TAOK3: variants seen among roughly 807,000 people sequenced by gnomAD.
The protein encoded by TAOK3 is serine/threonine-protein kinase TAO3.
A neutral mutation model predicts 120.4 loss-of-function variants in TAOK3; 40 were observed. The ratio of observed to expected loss-of-function variants is 0.33; its 90% confidence interval spans 0.26 to 0.43. The LOEUF (loss-of-function observed/expected upper bound fraction) is 0.43. TAOK3 is among the 20% of genes least tolerant of loss of function. The probability of loss-of-function intolerance (pLI) is 1.00; values close to 1 mark genes in which losing one functional copy is unlikely to be tolerated. For synonymous variants in TAOK3, 355 were observed against 387.5 expected, an observed-to-expected ratio of 0.92 and a Z score of 0.99; for missense variants, 821 against 1,112.1, an observed-to-expected ratio of 0.74 and a Z score of 3.72.
chr12:118,158,775 T>C (rs1451532971), intron 19 of TAOK3, among the ~76,000 whole-genome samples: 2 of 152,200 alleles, frequency 1.3e-5, no homozygotes, highest in African/African-American at 4.8e-5. Flanking sequence ...CAGCTCTCCA[T>C]TGCTTACAAA....
chr12:118,297,933 C>A (rs1428659086), intron 1 of TAOK3, among the ~76,000 whole-genome samples: 2 of 152,118 alleles, frequency 1.3e-5, no homozygotes, highest in African/African-American at 2.4e-5. Flanking sequence ...GCACGCACCA[C>A]CACAACCAGC....
intron 11 of TAOK3, among the ~76,000 whole-genome samples, chr12:118,207,329 G>GAAAA (rs200606908): frequency 9.5e-6 from 1 of 104,932 alleles, no homozygotes; most frequent in African/African-American, 3.6e-5. Flanking sequence ...TCCGTCTCAG[G>GAAAA]AAAAAAAAAA....
At chr12:118,320,578 A>G (rs1321901294) in intron 1 of TAOK3, among the ~76,000 whole-genome samples, 2 of 152,214 alleles carry the variant, frequency 1.3e-5, no homozygotes, top group Non-Finnish European at 2.9e-5. Flanking sequence ...AGTAATAGTT[A>G]TGATTGATTG....
chr12:118,226,005 C>T (rs539121735), intron 9 of TAOK3, among the ~76,000 whole-genome samples: 2 of 152,290 alleles, frequency 1.3e-5, no homozygotes, highest in African/African-American at 4.8e-5. Flanking sequence ...TTTGGGAGGC[C>T]GAGGTGGGTG....
intron 1 of TAOK3, among the ~76,000 whole-genome samples, chr12:118,370,856 C>T (rs1230906655): frequency 2.0e-5 from 3 of 152,184 alleles, no homozygotes; most frequent in African/African-American, 7.2e-5. Flanking sequence ...CCCACCAGGA[C>T]ACACAGTGTC....
intron 1 of TAOK3, among the ~76,000 whole-genome samples, chr12:118,364,131 C>T (rs958140953): frequency 6.6e-6 from 1 of 151,756 alleles, no homozygotes; most frequent in African/African-American, 2.4e-5. Context: ...AGCAAAACTC[C>T]ATCTCAAAAA....
chr12:118,169,327 T>A, intron 17 of TAOK3, among the ~76,000 whole-genome samples: 1 of 44,348 alleles, frequency 2.3e-5, no homozygotes. Context: ...CCCCCCCCCC[T>A]TTTTTTTTAA....
intron 1 of TAOK3, 30 bp from the exon 2 acceptor site, chr12:118,266,789 T>C (rs1411409448): frequency 2.5e-6 from 1 of 394,004 alleles, no homozygotes; most frequent in African/African-American, 2.1e-5. Flanking sequence ...AAATACATAA[T>C]TATCAGCCAA....
chr12:118,161,700 A>T lies in TAOK3; in HGVS notation c.2139+88T>A, dbSNP rs184373772. The T allele has an allele frequency of 0.035, 53,205 of 1,537,178 alleles. 2,714 individuals are homozygous for T. Among genetic ancestry groups the T allele is most frequent in the East Asian group, 0.19 (8,563 of 44,130 alleles). On this transcript the variant is annotated intron_variant, in intron 18 of 20. Transcript: ENST00000392533. The surrounding 1 kb of genome is among the most constrained non-coding windows in gnomAD (Gnocchi z 4.5). ...TAGGTGTGGGGTGCAGAAATTTGTG[A>T]TTCTGAAAAGTTGCTCAGGTGACTC...
chr12:118,255,947 G>A (rs2040965215), intron 2 of TAOK3: 1 of 155,064 alleles, frequency 6.4e-6, no homozygotes, highest in Admixed American at 6.5e-5. Flanking sequence ...AGCCAGGCGT[G>A]GTGGCACATG....
At chr12:118,354,516 C>T (rs1566166083) in intron 1 of TAOK3, among the ~76,000 whole-genome samples, 1 of 152,122 alleles carries the variant, frequency 6.6e-6, no homozygotes, top group Non-Finnish European at 1.5e-5. Flanking sequence ...GTAATCCCAG[C>T]ACTTTGGGAG....
At chr12:118,246,887 A>C in intron 3 of TAOK3, 1 of 1,309,596 alleles carries the variant, frequency 7.6e-7, no homozygotes, top group Non-Finnish European at 1.1e-6. Context: ...CCTATCAGGA[A>C]TTCACTGACC....
chr12:118,362,974 G>T (rs1471609697), intron 1 of TAOK3, among the ~76,000 whole-genome samples: 1 of 122,252 alleles, frequency 8.2e-6, no homozygotes, highest in Non-Finnish European at 1.6e-5. Context: ...AGCCAGGATT[G>T]CACCACTGCA....
At chr12:118,217,070 C>A (rs2038944510) in intron 9 of TAOK3, among the ~76,000 whole-genome samples, 2 of 152,088 alleles carry the variant, frequency 1.3e-5, no homozygotes, top group Admixed American at 6.6e-5. Flanking sequence ...TTCATCAGAG[C>A]ACCTTAGTTT....
In TAOK3 at chr12:118,244,978, G is replaced by A. The variant is rs1203045162; in HGVS notation, c.121-13C>T. On this transcript the variant is annotated splice_polypyrimidine_tract_variant and intron_variant, in intron 3 of 20. Transcript: ENST00000392533. ...GAGCATTTGTAGCCTGTGTTAAGAG[G>A]GTAGAAGAAAAAGAAAAAGAATTAG... The A allele has an allele frequency of 1.9e-6, 3 of 1,576,696 alleles. No individual in the cohort carries two copies. Among genetic ancestry groups the A allele is most frequent in the East Asian group, 2.3e-5 (1 of 44,284 alleles).
intron 14 of TAOK3, among the ~76,000 whole-genome samples, chr12:118,186,292 G>A (rs1247049538): frequency 6.6e-6 from 1 of 152,154 alleles, no homozygotes; most frequent in Non-Finnish European, 1.5e-5. Flanking sequence ...AGGTGAATTT[G>A]TGTTAGAACA....
intron 16 of TAOK3, among the ~76,000 whole-genome samples, chr12:118,175,518 T>C (rs2036268881): frequency 6.6e-6 from 1 of 152,034 alleles, no homozygotes; most frequent in African/African-American, 2.4e-5. Flanking sequence ...TCTCGGCTAC[T>C]TGGGAGGCTG....
At chr12:118,238,303 T>C (rs1162015364) in intron 6 of TAOK3, 134 bp from the exon 7 acceptor site, 1 of 511,188 alleles carries the variant, frequency 2.0e-6, no homozygotes, top group African/African-American at 1.9e-5. Flanking sequence ...CTAGATCTTC[T>C]ATAGAAGATA....
intron 1 of TAOK3, among the ~76,000 whole-genome samples, chr12:118,344,379 T>G (rs1029981639): frequency 6.6e-6 from 1 of 151,942 alleles, no homozygotes; most frequent in Non-Finnish European, 1.5e-5. Context: ...TAAATCTCTG[T>G]TAATATACAA....
Sources: allele counts gnomAD v4.1 joint callset (sites outside exome capture counted in the v4.1 genomes callset), GRCh38; gene constraint gnomAD v4.1.1; non-coding constraint Gnocchi (gnomAD v3.1); transcripts MANE v1.5; gene names NCBI Gene and HGNC (gene_info 2026-07-23, HGNC 2026-07-21).